Variants in PCDHGA5 observed in about 807,000 individuals in gnomAD.
PCDHGA5 encodes protocadherin gamma-A5.
PCDHGA5 carries 36 observed loss-of-function variants against 56.7 expected under a neutral mutation model. The ratio of observed to expected loss-of-function variants is 0.64; its 90% CI spans 0.49 to 0.84. The LOEUF is 0.84. PCDHGA5 is among the 40% of genes least tolerant of loss of function. The pLI, the probability that PCDHGA5 is intolerant of heterozygous loss-of-function variation, is 0.00. For synonymous variants in PCDHGA5, 563 were observed against 520.2 expected, an observed-to-expected ratio of 1.08 and a Z score of -1.12; for missense variants, 1,305 against 1,201.5, an observed-to-expected ratio of 1.09 and a Z score of -1.27.
Position 141,454,549 on chromosome 5 carries a change from G to A in PCDHGA5, c.2422-40258G>A, listed in dbSNP as rs188623155. ...AGCCTCCCAAGTAGCTGAGATTACA[G>A]GCATGTGCCACCACGCCCGGCTAAT... On this transcript the variant is annotated intron_variant, in intron 1 of 3. Transcript: ENST00000518069. Among the ~76,000 whole-genome samples, 406 of 152,154 alleles carry A rather than the reference G, an allele frequency of 2.7e-3. 2 individuals are homozygous for A. The highest frequency in any genetic ancestry group is 0.021 in the South Asian group (99 of 4,814).
chr5:141,413,461 C>G (rs1294898087), intron 1 of PCDHGA5: 11 of 1,614,082 alleles, frequency 6.8e-6, no homozygotes, highest in Non-Finnish European at 7.6e-6. Flanking sequence ...CAGGATAGAC[C>G]GGGAGGAGCT....
chr5:141,365,876 G>A lies in PCDHGA5; in HGVS notation c.1546G>A (p.Ala516Thr), dbSNP rs1764179173. The change falls in exon 1 of 4, where the codon GCT becomes ACT. Residue 516 changes from alanine to threonine, a missense_variant. Ala to Thr is a moderately conservative substitution (Grantham distance 58). Transcript: ENST00000518069. The part of the protein sequence containing the change: ...SINSDTGVLY[A>T]LRSFDYEQLR... ...TAACTCTGACACCGGTGTCCTGTAT[G>A]CTCTGAGATCCTTCGACTATGAGCA... 1.2e-6 allele frequency: 2 copies of A among 1,614,122 alleles called. No homozygotes were observed. Among genetic ancestry groups the A allele is most frequent in the Non-Finnish European group, 1.7e-6 (2 of 1,179,966 alleles).
At chr5:141,457,677 T>C (rs1386991642) in intron 1 of PCDHGA5, among the ~76,000 whole-genome samples, 1 of 152,262 alleles carries the variant, frequency 6.6e-6, no homozygotes, top group Non-Finnish European at 1.5e-5. Flanking sequence ...TATTTCTACA[T>C]AGGACTTTTG....
In PCDHGA5 at chr5:141,502,866, C is replaced by CTTTTTTTTTTTTTTTTT. The variant is rs549047197; in HGVS notation, c.2481-2513_2481-2512insTTTTTTTTTTTTTTTTT. Among the ~76,000 whole-genome samples the CTTTTTTTTTTTTTTTTT allele has an allele frequency of 3.1e-5, 4 of 128,046 alleles. 1 individual carries two copies. 84.0% of individuals were successfully genotyped at this position (128,046 alleles called of 152,430 possible). A position where few individuals can be genotyped will look rare whatever the true frequency, so the allele number is the denominator to read the frequency against. ...GAGCTGCCTAACCCTGACTCTCTGTCTTTTTTTTTTTTTTGACAGGGAGTC... is the reference window on the plus strand; with the variant it reads ...GAGCTGCCTAACCCTGACTCTCTGTCTTTTTTTTTTTTTTTTTTTTTTTTTTTTTTTGACAGGGAGTC... On this transcript the variant is annotated intron_variant, in intron 2 of 3. Transcript: ENST00000518069.
intron 1 of PCDHGA5, chr5:141,433,139 T>G: frequency 6.2e-7 from 1 of 1,614,068 alleles, no homozygotes; most frequent in Non-Finnish European, 8.5e-7. Context: ...CCTTTTGCTG[T>G]CAGGTGATTC....
At chr5:141,450,653 A>AT (rs2098689237) in intron 1 of PCDHGA5, among the ~76,000 whole-genome samples, 1 of 151,192 alleles carries the variant, frequency 6.6e-6, no homozygotes, top group Non-Finnish European at 1.5e-5. Context: ...TGCCTGGCTA[A>AT]TTTTTGTACT....
chr5:141,498,045 A>G (rs1368474174), intron 2 of PCDHGA5, among the ~76,000 whole-genome samples: 4 of 152,256 alleles, frequency 2.6e-5, no homozygotes, highest in Non-Finnish European at 4.4e-5. Flanking sequence ...AATTACAAAA[A>G]TAAATGTGAG....
chr5:141,393,268 A>C, intron 1 of PCDHGA5: 1 of 1,613,946 alleles, frequency 6.2e-7, no homozygotes, highest in South Asian at 1.1e-5. Flanking sequence ...GGAGCACGTT[A>C]TCCACTCCCA....
At chr5:141,399,512 C>T (rs2093823931) in intron 1 of PCDHGA5, 1 of 1,614,044 alleles carries the variant, frequency 6.2e-7, no homozygotes, top group East Asian at 2.2e-5. Context: ...GAAAACAACC[C>T]TCCTGGGGCC....
Position 141,364,890 on chromosome 5 carries a change from A to G in PCDHGA5, c.560A>G (p.Asp187Gly), listed in dbSNP as rs765566914. Residue 187 changes from aspartate to glycine, a missense_variant, in exon 1 of 4, where the codon GAT (aspartate) becomes GGT (glycine). By Grantham distance (94) the Asp-to-Gly change is moderately conservative (BLOSUM62 -1). Coordinates refer to ENST00000518069, the MANE Select transcript of PCDHGA5 (RefSeq NM_018918.3). ...TCTCTGGATGTGGTAAGCGGAACTG[A>G]TGGACAAAAGTATCCGGAGCTGGTG... ...HFSLDVVSGT[D>G]GQKYPELVLE... is the part of the protein sequence containing the mutation. The G allele has an allele frequency of 1.2e-6, 2 of 1,613,858 alleles. No individual in the cohort carries two copies. Among genetic ancestry groups the G allele is most frequent in the African/African-American group, 2.7e-5 (2 of 74,916 alleles).
chr5:141,364,402 C>A lies in PCDHGA5; in HGVS notation c.72C>A (p.Cys24Ter). The part of the protein sequence containing the change: ...LLPFMLLGTL[C>*]EPGSGQIRYS... ...CCTTCATGCTCCTGGGGACGCTGTG[C>A]GAGCCAGGATCCGGGCAGATCCGCT... Residue 24 changes from cysteine to a stop codon, truncating the protein, a stop_gained, in exon 1 of 4, where the codon TGC becomes TGA. Coordinates refer to ENST00000518069, the MANE Select transcript of PCDHGA5 (RefSeq NM_018918.3). LOFTEE classifies it high-confidence loss of function. 6.2e-7 allele frequency: 1 copy of A among 1,607,318 alleles called. No individual in the cohort carries two copies. Among genetic ancestry groups the A allele is most frequent in the Non-Finnish European group, 8.5e-7 (1 of 1,176,542 alleles).
At chr5:141,470,734 G>A (rs970003510) in intron 1 of PCDHGA5, among the ~76,000 whole-genome samples, 1 of 152,128 alleles carries the variant, frequency 6.6e-6, no homozygotes, top group Non-Finnish European at 1.5e-5. Context: ...GTCTTGCTCT[G>A]TCGCCCTGGC....
At chr5:141,412,779 C>A (rs966431850) in intron 1 of PCDHGA5, among the ~76,000 whole-genome samples, 6 of 152,168 alleles carry the variant, frequency 3.9e-5, no homozygotes, top group Non-Finnish European at 7.3e-5. Context: ...ACAATATTTT[C>A]ACTCCACTTT....
intron 2 of PCDHGA5, among the ~76,000 whole-genome samples, chr5:141,499,670 C>T (rs1477227784): frequency 6.6e-6 from 1 of 151,412 alleles, no homozygotes; most frequent in African/African-American, 2.4e-5. Flanking sequence ...TCTTGGTCTC[C>T]ACCATCTTTA....
intron 1 of PCDHGA5, among the ~76,000 whole-genome samples, chr5:141,488,713 C>A (rs1165389103): frequency 6.6e-6 from 1 of 152,184 alleles, no homozygotes; most frequent in Non-Finnish European, 1.5e-5. Context: ...CTGGTTCAAG[C>A]AAAGTGGTGG....
In PCDHGA5 at chr5:141,490,755, C is replaced by T; in HGVS notation, c.2422-4052C>T. ...AGGTTCAGGGAGCCCCAGCCTCCTC[C>T]TTTGTGTATGTCAACCCAGAGGATG... On this transcript the variant is annotated intron_variant, in intron 1 of 3. Transcript: ENST00000518069. This position sits in a 1 kb window ranked among gnomAD's most constrained non-coding sequence, Gnocchi z 5.4. 1 of 1,614,190 alleles carries T rather than the reference C, an allele frequency of 6.2e-7. No individual in the cohort carries two copies. Among genetic ancestry groups the T allele is most frequent in the Non-Finnish European group, 8.5e-7 (1 of 1,180,026 alleles).
chr5:141,392,511 A>T (rs1368500575), intron 1 of PCDHGA5: 1 of 240,352 alleles, frequency 4.2e-6, no homozygotes, highest in Non-Finnish European at 7.9e-6. Flanking sequence ...TTTTTTTCTC[A>T]GTAATCTAGT....
chr5:141,367,688 C>G (rs1765290329), intron 1 of PCDHGA5: 1 of 152,096 alleles, frequency 6.6e-6, no homozygotes, highest in Admixed American at 6.5e-5. Flanking sequence ...GAGAAGAAAT[C>G]AGTGTAAAGG....
intron 1 of PCDHGA5, chr5:141,419,413 C>A (rs568417008): frequency 6.2e-7 from 1 of 1,613,444 alleles, no homozygotes; most frequent in South Asian, 1.1e-5. Flanking sequence ...TCGCGCAGCG[C>A]GCCTTCGACC....
Sources: gnomAD v4.1 joint callset for allele counts (sites outside exome capture counted in the v4.1 genomes callset) on GRCh38, gnomAD v4.1.1 for gene constraint, Gnocchi (gnomAD v3.1) non-coding constraint, MANE v1.5 for transcripts, NCBI Gene and HGNC (gene_info 2026-07-23, HGNC 2026-07-21) for gene names.